Variants in SDHAF3 observed in about 807,000 individuals in gnomAD.
SDHAF3 encodes succinate dehydrogenase complex assembly factor 3, also known as succinate dehydrogenase assembly factor 3, mitochondrial.
Under a neutral mutation model 11.5 loss-of-function variants are expected in SDHAF3, and 18 were observed. That is an observed-to-expected ratio of 1.56 (90% confidence interval 1.08 to 2.32). The LOEUF (loss-of-function observed/expected upper bound fraction) is 2.32, where lower values mean the gene tolerates loss of function less well. SDHAF3 is among the 30% of genes most tolerant of loss of function. The probability of loss-of-function intolerance (pLI) is 0.00; values close to 1 mark genes in which losing one functional copy is unlikely to be tolerated. For missense variants in SDHAF3, 200 were observed against 154.4 expected (o/e 1.30, Z -1.57); for synonymous variants, 72 against 59.3 (o/e 1.21, Z -0.99).
At chr7:97,166,271 G>A (rs1562830233) in intron 1 of SDHAF3, among the ~76,000 whole-genome samples, 2 of 152,150 alleles carry the variant, frequency 1.3e-5, no homozygotes. Context: ...TTGGGCAACA[G>A]CTTGCTTTAT....
chr7:97,177,671 A>G (rs370770202), intron 1 of SDHAF3, among the ~76,000 whole-genome samples: 1 of 152,060 alleles, frequency 6.6e-6, no homozygotes, highest in East Asian at 1.9e-4. Context: ...GATAATTTCT[A>G]TTGCTGTATT....
intron 1 of SDHAF3, among the ~76,000 whole-genome samples, chr7:97,128,674 A>C (rs1472191672): frequency 1.3e-5 from 2 of 152,220 alleles, no homozygotes; most frequent in African/African-American, 4.8e-5. Flanking sequence ...GAAAATAAAA[A>C]GAAATTAAAA....
In SDHAF3 at chr7:97,137,341, G is replaced by T. The variant is rs1348214487; in HGVS notation, c.174+19444G>T. Among the ~76,000 whole-genome samples, 7 of 152,230 alleles carry T rather than the reference G, an allele frequency of 4.6e-5. No individual in the cohort carries two copies. In the East Asian group the frequency reaches 1.4e-3, roughly 29 times the overall value. ...GAGAAACACTTGTAATATAAATCAG[G>T]CCAGCTATATTTGTCCATGACCTTA... is the stretch of plus-strand genomic sequence containing the variant. On this transcript the variant is annotated intron_variant, in intron 1 of 1. Coordinates refer to ENST00000432641, the MANE Select transcript of SDHAF3 (RefSeq NM_020186.3).
At chr7:97,129,713 C>T (rs1304721942) in intron 1 of SDHAF3, among the ~76,000 whole-genome samples, 1 of 152,170 alleles carries the variant, frequency 6.6e-6, no homozygotes, top group African/African-American at 2.4e-5. Flanking sequence ...CACCCCTGCC[C>T]AGGCCTCACT....
At chr7:97,147,747 G>A (rs535422508) in intron 1 of SDHAF3, among the ~76,000 whole-genome samples, 1 of 152,212 alleles carries the variant, frequency 6.6e-6, no homozygotes, top group East Asian at 1.9e-4. Flanking sequence ...GTCACAGTTT[G>A]GGCATGGTTA....
intron 1 of SDHAF3, among the ~76,000 whole-genome samples, chr7:97,180,667 T>C (rs1019796234): frequency 1.3e-5 from 2 of 152,202 alleles, no homozygotes; most frequent in African/African-American, 4.8e-5. Flanking sequence ...TTGAAAGCTA[T>C]GGCCCCAGAA....
rs557713486 is a variant in SDHAF3 at position 97,181,385 on chromosome 7, GA to G, written c.*177del. On this transcript the variant is annotated 3_prime_UTR_variant, in exon 2 of 2. Transcript: ENST00000432641. ...TGGATCAAGATCACTAGTGACAATT[GA>G]AAAAAACTATTGGAATAATAGCACT... The G allele has an allele frequency of 5.8e-4, 286 of 495,646 alleles. 1 individual carries two copies. The highest frequency in any genetic ancestry group is 3.3e-3 in the African/African-American group (166 of 50,526). 30.7% of individuals were successfully genotyped at this position (495,646 alleles called of 1,614,324 possible).
intron 1 of SDHAF3, chr7:97,136,261 G>T (rs937691247): frequency 4.2e-5 from 19 of 456,468 alleles, no homozygotes; most frequent in African/African-American, 3.5e-4. Context: ...ATAACTTTTA[G>T]GTATATTGGC....
intron 1 of SDHAF3, among the ~76,000 whole-genome samples, chr7:97,121,918 C>G (rs1044895598): frequency 1.4e-5 from 2 of 144,444 alleles, no homozygotes; most frequent in Non-Finnish European, 3.0e-5. Flanking sequence ...AGTGCAGTGG[C>G]GTGATCTCAG....
chr7:97,119,017 C>T (rs1358972278), intron 1 of SDHAF3, among the ~76,000 whole-genome samples: 1 of 152,126 alleles, frequency 6.6e-6, no homozygotes, highest in Non-Finnish European at 1.5e-5. Context: ...GGTTTTGGAG[C>T]CTGAAGAACT....
chr7:97,132,605 A>C (rs920667006), intron 1 of SDHAF3, among the ~76,000 whole-genome samples: 4 of 152,184 alleles, frequency 2.6e-5, no homozygotes, highest in African/African-American at 9.7e-5. Flanking sequence ...TTAAGTTACC[A>C]TGTAGTAACT....
At chr7:97,129,151 A>T (rs1791627550) in intron 1 of SDHAF3, among the ~76,000 whole-genome samples, 1 of 152,014 alleles carries the variant, frequency 6.6e-6, no homozygotes, top group Non-Finnish European at 1.5e-5. Context: ...AATTTTGGTT[A>T]TCTGTCCATA....
rs1791772349 is a variant in SDHAF3 at position 97,136,491 on chromosome 7, T to G, written c.174+18594T>G. On this transcript the variant is annotated intron_variant, in intron 1 of 1. Transcript: ENST00000432641. ...CAGTAAGTAAGACCTGCCAGATTAT[T>G]TTAGTTCCACTTTTTTTTAACAAAA... The G allele has an allele frequency of 6.5e-6, 4 of 614,116 alleles. No individual in the cohort carries two copies. In the African/African-American group the frequency reaches 7.4e-5, roughly 11 times the overall value. 38.0% of individuals were successfully genotyped at this position (614,116 alleles called of 1,614,324 possible). A position where few individuals can be genotyped will look rare whatever the true frequency, so the allele number is the denominator to read the frequency against.
chr7:97,133,367 G>C (rs1057321631), intron 1 of SDHAF3, among the ~76,000 whole-genome samples: 1 of 152,150 alleles, frequency 6.6e-6, no homozygotes, highest in Non-Finnish European at 1.5e-5. Flanking sequence ...AACTGAATTA[G>C]TGTTTAGAAG....
chr7:97,130,527 C>T (rs76152834), intron 1 of SDHAF3, among the ~76,000 whole-genome samples: 13,517 of 152,178 alleles, frequency 0.089, 673 homozygotes, highest in Middle Eastern at 0.13. Flanking sequence ...AGCTGATCAG[C>T]TTGTTCATGT....
chr7:97,118,325 T>C (rs1021319557), intron 1 of SDHAF3, among the ~76,000 whole-genome samples: 2 of 152,190 alleles, frequency 1.3e-5, no homozygotes, highest in Non-Finnish European at 2.9e-5. Context: ...ATCTCAGCGC[T>C]TTTGGTTGGG....
intron 1 of SDHAF3, among the ~76,000 whole-genome samples, chr7:97,127,235 G>C (rs1791590443): frequency 6.6e-6 from 1 of 152,200 alleles, no homozygotes; most frequent in Admixed American, 6.5e-5. Flanking sequence ...AACCAGAGCT[G>C]TTCCTATTTG....
At chr7:97,125,744 C>CA (rs1202650300) in intron 1 of SDHAF3, among the ~76,000 whole-genome samples, 2 of 152,136 alleles carry the variant, frequency 1.3e-5, no homozygotes, top group African/African-American at 4.8e-5. Context: ...AACCTTTTGT[C>CA]AGAGTTCTTA....
intron 1 of SDHAF3, among the ~76,000 whole-genome samples, chr7:97,153,007 C>A (rs1789250180): frequency 6.6e-6 from 1 of 152,192 alleles, no homozygotes; most frequent in Non-Finnish European, 1.5e-5. Flanking sequence ...GTTAGTTTTA[C>A]AAAGGTGATC....
Sources: gnomAD v4.1 joint callset for allele counts (sites outside exome capture counted in the v4.1 genomes callset) on GRCh38, gnomAD v4.1.1 for gene constraint, MANE v1.5 for transcripts, NCBI Gene and HGNC (gene_info 2026-07-23, HGNC 2026-07-21) for gene names.